The following CACNG4 variants were observed in gnomAD, a reference collection of about 807,000 sequenced individuals.
CACNG4 encodes calcium voltage-gated channel auxiliary subunit gamma 4.
In CACNG4, 8 loss-of-function variants were observed where a neutral mutation model predicts 22.9. The ratio of observed to expected loss-of-function variants is 0.35; its 90% CI spans 0.21 to 0.63. The LOEUF (loss-of-function observed/expected upper bound fraction) is 0.63, where lower values mean the gene tolerates loss of function less well. CACNG4 is among the 30% of genes least tolerant of loss of function. The pLI, the probability that CACNG4 is intolerant of heterozygous loss-of-function variation, is 0.72. For synonymous variants in CACNG4, 188 were observed against 191.9 expected (o/e 0.98, Z 0.17); for missense variants, 357 against 455.4 (o/e 0.78, Z 1.97).
intron 1 of CACNG4, among the ~76,000 whole-genome samples, chr17:66,988,362 G>A (rs1053670647): frequency 3.3e-5 from 5 of 152,170 alleles, no homozygotes; most frequent in African/African-American, 7.2e-5. Context: ...CCAAACAGCC[G>A]CCGGCAAGCA....
intron 3 of CACNG4, among the ~76,000 whole-genome samples, chr17:67,026,050 G>A (rs1449857825): frequency 6.6e-6 from 1 of 151,904 alleles, no homozygotes; most frequent in Non-Finnish European, 1.5e-5. Context: ...CTGTGATTGT[G>A]TGTGTGGTGT....
intron 2 of CACNG4, among the ~76,000 whole-genome samples, chr17:67,022,766 G>A (rs992055829): frequency 6.6e-6 from 1 of 152,210 alleles, no homozygotes; most frequent in African/African-American, 2.4e-5. Flanking sequence ...GAGACAGCAG[G>A]TGCTTGGGAA....
chr17:67,012,117 G>A (rs1375247733), intron 1 of CACNG4, among the ~76,000 whole-genome samples: 2 of 152,218 alleles, frequency 1.3e-5, no homozygotes, highest in Admixed American at 6.5e-5. Context: ...TTGGGGCGGT[G>A]TGGGAGGAGC....
At chr17:66,999,134 G>A (rs2035391991) in intron 1 of CACNG4, among the ~76,000 whole-genome samples, 2 of 152,178 alleles carry the variant, frequency 1.3e-5, no homozygotes, top group Admixed American at 1.3e-4. Context: ...TTCTTCATCT[G>A]TAAAATGGAG....
intron 1 of CACNG4, among the ~76,000 whole-genome samples, chr17:66,976,326 C>T (rs12449727): frequency 0.036 from 5,501 of 151,800 alleles, 108 homozygotes; most frequent in Middle Eastern, 0.068. Flanking sequence ...TCCCTCCTCC[C>T]TCTGTCTTTC....
At chr17:66,972,184 A>G (rs1249525383) in intron 1 of CACNG4, among the ~76,000 whole-genome samples, 3 of 152,212 alleles carry the variant, frequency 2.0e-5, no homozygotes, top group Non-Finnish European at 4.4e-5. Context: ...AGCTAAAGGT[A>G]TGCCCATGGG....
chr17:67,031,754 C>T lies in CACNG4; in HGVS notation c.*750C>T, dbSNP rs1164809780. The T allele has an allele frequency of 1.1e-5, 5 of 456,776 alleles. No individual in the cohort carries two copies. The highest frequency in any genetic ancestry group is 3.3e-4 in the Middle Eastern group (1 of 3,076). 28.3% of individuals were successfully genotyped at this position (456,776 alleles called of 1,614,324 possible). A position where few individuals can be genotyped will look rare whatever the true frequency, so the allele number is the denominator to read the frequency against. ...TCACTCAGAATGGGCAGGACAGACC[C>T]ACTGACTGGACTTCAGAGTCTGGAG... On this transcript the variant is annotated 3_prime_UTR_variant, in exon 4 of 4. Transcript: ENST00000262138. The surrounding 1 kb of genome is among the most constrained non-coding windows in gnomAD (Gnocchi z 4.0).
chr17:66,998,816 C>A (rs2035390328), intron 1 of CACNG4, among the ~76,000 whole-genome samples: 1 of 152,212 alleles, frequency 6.6e-6, no homozygotes, highest in South Asian at 2.1e-4. Context: ...TCACATGAGC[C>A]CCTTTCCAAA....
intron 1 of CACNG4, among the ~76,000 whole-genome samples, chr17:66,986,024 G>A (rs192203504): frequency 6.6e-5 from 10 of 152,320 alleles, no homozygotes; most frequent in East Asian, 5.8e-4. Context: ...TGCCTGCTCC[G>A]GGGCATTCCA....
At chr17:67,006,151 G>A (rs2035436152) in intron 1 of CACNG4, among the ~76,000 whole-genome samples, 1 of 152,190 alleles carries the variant, frequency 6.6e-6, no homozygotes, top group African/African-American at 2.4e-5. Flanking sequence ...TGTTCCTCGT[G>A]GGTGAGCAGG....
At chr17:66,998,070 T>C (rs1248890997) in intron 1 of CACNG4, among the ~76,000 whole-genome samples, 1 of 152,194 alleles carries the variant, frequency 6.6e-6, no homozygotes, top group African/African-American at 2.4e-5. Flanking sequence ...TTGGACTGTT[T>C]GCCTTGCAAT....
Position 67,031,078 on chromosome 17 carries a change from C to T in CACNG4, c.*74C>T, listed in dbSNP as rs1377853334. On this transcript the variant is annotated 3_prime_UTR_variant, in exon 4 of 4. Transcript: ENST00000262138. This position sits in a 1 kb window ranked among gnomAD's most constrained non-coding sequence, Gnocchi z 4.0. ...TTTGTCACACAGGATGGCATGTGAT[C>T]CTCAAGACGACGAACAATGAACTAA... 1.4e-6 allele frequency: 2 copies of T among 1,479,702 alleles called. No individual in the cohort carries two copies. Among genetic ancestry groups the T allele is most frequent in the Non-Finnish European group, 1.8e-6 (2 of 1,089,382 alleles). 91.7% of individuals were successfully genotyped at this position (1,479,702 alleles called of 1,614,324 possible). A position where few individuals can be genotyped will look rare whatever the true frequency, so the allele number is the denominator to read the frequency against.
At chr17:66,974,606 G>C (rs118107995) in intron 1 of CACNG4, among the ~76,000 whole-genome samples, 1 of 152,156 alleles carries the variant, frequency 6.6e-6, no homozygotes, top group African/African-American at 2.4e-5. Context: ...CAGAGTGCTC[G>C]TTAGGGTACC....
chr17:67,012,161 G>A (rs2035472141), intron 1 of CACNG4, among the ~76,000 whole-genome samples: 1 of 152,182 alleles, frequency 6.6e-6, no homozygotes, highest in Admixed American at 6.5e-5. Context: ...GGATTCCAGG[G>A]TGCCCTGTGC....
At chr17:67,028,274 C>T (rs1453217551) in intron 3 of CACNG4, among the ~76,000 whole-genome samples, 1 of 151,978 alleles carries the variant, frequency 6.6e-6, no homozygotes, top group Non-Finnish European at 1.5e-5. Flanking sequence ...ACGCAATGGG[C>T]CGGGCACGGT....
At chr17:67,003,840 A>G (rs940321536) in intron 1 of CACNG4, among the ~76,000 whole-genome samples, 2 of 152,214 alleles carry the variant, frequency 1.3e-5, no homozygotes, top group Non-Finnish European at 2.9e-5. Flanking sequence ...TGGCTATGCC[A>G]CCAATCAGCT....
At chr17:66,981,369 A>G (rs572846989) in intron 1 of CACNG4, among the ~76,000 whole-genome samples, 5 of 152,302 alleles carry the variant, frequency 3.3e-5, no homozygotes, top group Admixed American at 1.3e-4. Flanking sequence ...ATAGCTGAAA[A>G]CAAAGCAATC....
At chr17:67,003,218 G>A (rs754640367) in intron 1 of CACNG4, among the ~76,000 whole-genome samples, 6 of 151,740 alleles carry the variant, frequency 4.0e-5, no homozygotes, top group Admixed American at 2.0e-4. Flanking sequence ...AATCACCCTC[G>A]GTTTATCCCC....
At chr17:66,982,701 C>T (rs540448773) in intron 1 of CACNG4, among the ~76,000 whole-genome samples, 2 of 152,280 alleles carry the variant, frequency 1.3e-5, no homozygotes, top group African/African-American at 2.4e-5. Context: ...GGACTGCAGA[C>T]GTGCACCACC....
Sources: allele counts gnomAD v4.1 joint callset (sites outside exome capture counted in the v4.1 genomes callset), GRCh38; gene constraint gnomAD v4.1.1; non-coding constraint Gnocchi (gnomAD v3.1); transcripts MANE v1.5; gene names NCBI Gene and HGNC (gene_info 2026-07-23, HGNC 2026-07-21).